Variants in ACBD6 observed in about 807,000 individuals in gnomAD.
The protein encoded by ACBD6 is acyl-CoA-binding domain-containing protein 6.
A neutral mutation model predicts 37.2 loss-of-function variants in ACBD6; 28 were observed. The ratio of observed to expected loss-of-function variants is 0.75; its 90% confidence interval spans 0.56 to 1.03. The LOEUF (loss-of-function observed/expected upper bound fraction) is 1.03, where lower values mean the gene tolerates loss of function less well. ACBD6 is among the 50% of genes least tolerant of loss of function. The pLI is 0.00. For missense variants in ACBD6, 340 were observed against 337.4 expected, an observed-to-expected ratio of 1.01 and a Z score of -0.06; for synonymous variants, 113 against 126.8, an observed-to-expected ratio of 0.89 and a Z score of 0.73.
intron 4 of ACBD6, among the ~76,000 whole-genome samples, chr1:180,422,521 T>G (rs1348246758): frequency 6.6e-6 from 1 of 152,200 alleles, no homozygotes; most frequent in Non-Finnish European, 1.5e-5. Context: ...CCCTTTTCTT[T>G]TTTACAGAAG....
At chr1:180,472,106 C>A (rs555762540) in intron 3 of ACBD6, among the ~76,000 whole-genome samples, 11 of 152,300 alleles carry the variant, frequency 7.2e-5, no homozygotes, top group African/African-American at 2.6e-4. Context: ...ACGTATAGGG[C>A]AAGGCCAGAC....
intron 6 of ACBD6, among the ~76,000 whole-genome samples, chr1:180,384,714 G>A (rs1168790144): frequency 6.6e-6 from 1 of 152,154 alleles, no homozygotes; most frequent in Non-Finnish European, 1.5e-5. Flanking sequence ...GTTCACTGTA[G>A]CACTATTCAC....
At chr1:180,403,703 A>C (rs1647485812) in intron 5 of ACBD6, among the ~76,000 whole-genome samples, 1 of 152,224 alleles carries the variant, frequency 6.6e-6, no homozygotes, top group Non-Finnish European at 1.5e-5. Flanking sequence ...ATCTGAATAA[A>C]CAAAATGTGG....
At chr1:180,337,325 C>A (rs1299946902) in intron 6 of ACBD6, among the ~76,000 whole-genome samples, 2 of 152,120 alleles carry the variant, frequency 1.3e-5, no homozygotes, top group Non-Finnish European at 2.9e-5. Flanking sequence ...GGGCTTCATC[C>A]CTGGGATGCA....
chr1:180,500,318 T>C (rs1271016913), intron 1 of ACBD6, among the ~76,000 whole-genome samples: 1 of 152,178 alleles, frequency 6.6e-6, no homozygotes, highest in African/African-American at 2.4e-5. Context: ...AGCTGTAATT[T>C]TCCTGAACTG....
At chr1:180,285,428 A>T (rs1382670593), downstream of ACBD6, among the ~76,000 whole-genome samples, 4 of 152,236 alleles carry the variant, frequency 2.6e-5, no homozygotes, top group African/African-American at 4.8e-5. Flanking sequence ...ATTTGACTCA[A>T]ATCACCTTAG....
intron 6 of ACBD6, among the ~76,000 whole-genome samples, chr1:180,329,858 T>G (rs1651411058): frequency 6.6e-6 from 1 of 152,288 alleles, no homozygotes; most frequent in Non-Finnish European, 1.5e-5. Context: ...AAGTTAGAAG[T>G]AACTCTTTTT....
intron 9 of ACBD6, among the ~76,000 whole-genome samples, chr1:180,279,307 T>A (rs1405944361): frequency 9.2e-5 from 14 of 152,276 alleles, no homozygotes; most frequent in Non-Finnish European, 8.8e-5. Flanking sequence ...TTTTTAAAAT[T>A]TTTTTTTGAG....
At chr1:180,456,391 A>G (rs546391434) in intron 3 of ACBD6, among the ~76,000 whole-genome samples, 1 of 152,210 alleles carries the variant, frequency 6.6e-6, no homozygotes, top group Non-Finnish European at 1.5e-5. Flanking sequence ...TGTATGTGAC[A>G]GTAGCAATTA....
chr1:180,419,007 T>C (rs1648228952), intron 4 of ACBD6, among the ~76,000 whole-genome samples: 1 of 152,232 alleles, frequency 6.6e-6, no homozygotes, highest in Non-Finnish European at 1.5e-5. Context: ...ATCCCAGCAC[T>C]TCGGGAGGCC....
intron 6 of ACBD6, among the ~76,000 whole-genome samples, chr1:180,366,983 C>T (rs577220314): frequency 4.5e-4 from 68 of 152,286 alleles, no homozygotes; most frequent in African/African-American, 1.6e-3. Flanking sequence ...AGCTTTGTGT[C>T]CTCAAGCAAT....
chr1:180,437,408 C>G (rs1411987512), intron 3 of ACBD6, among the ~76,000 whole-genome samples: 1 of 152,178 alleles, frequency 6.6e-6, no homozygotes, highest in Non-Finnish European at 1.5e-5. Flanking sequence ...GGAGGATACC[C>G]AGTTGGTGTC....
intron 6 of ACBD6, among the ~76,000 whole-genome samples, chr1:180,373,518 G>A (rs544019105): frequency 6.6e-6 from 1 of 152,264 alleles, no homozygotes; most frequent in African/African-American, 2.4e-5. Flanking sequence ...CACTGCAAGA[G>A]CAATATCCAA....
rs115148274 is a variant in ACBD6 at position 180,395,369 on chromosome 1, T to C, written c.663+2147A>G. Among the ~76,000 whole-genome samples the C allele has an allele frequency of 3.7e-3, 567 of 152,300 alleles. 3 individuals are homozygous for C. The highest frequency in any genetic ancestry group is 0.013 in the African/African-American group (543 of 41,570). On this transcript the variant is annotated intron_variant, in intron 6 of 7. Coordinates refer to ENST00000367595, the MANE Select transcript of ACBD6 (RefSeq NM_032360.4). Reference sequence around the variant, plus strand: ...ATAAACATTTATTCTACTTTCTCTGTGAAATAGGAGGTATTCTGAAGATAA... The same window carrying C: ...ATAAACATTTATTCTACTTTCTCTGCGAAATAGGAGGTATTCTGAAGATAA...
At chr1:180,289,038 T>TAAAA (rs11353397) in intron 7 of ACBD6, among the ~76,000 whole-genome samples, 1 of 102,966 alleles carries the variant, frequency 9.7e-6, no homozygotes, top group Non-Finnish European at 2.1e-5. Context: ...CTACAGGAAC[T>TAAAA]AAAAAAAAAA....
intron 6 of ACBD6, among the ~76,000 whole-genome samples, chr1:180,354,749 T>G (rs998734222): frequency 1.3e-5 from 2 of 152,338 alleles, no homozygotes; most frequent in South Asian, 2.1e-4. Context: ...TAGCTTTAGT[T>G]TTATTCCCCT....
intron 6 of ACBD6, among the ~76,000 whole-genome samples, chr1:180,392,553 G>A (rs1225039635): frequency 2.0e-5 from 3 of 151,952 alleles, no homozygotes; most frequent in Non-Finnish European, 4.4e-5. Context: ...AACTTCTTTA[G>A]GCTCCTGCTT....
intron 5 of ACBD6, among the ~76,000 whole-genome samples, chr1:180,398,618 T>C (rs76599125): frequency 9.9e-4 from 151 of 152,334 alleles, no homozygotes; most frequent in African/African-American, 3.5e-3. Flanking sequence ...TTAACACTTG[T>C]CTACCAAAGA....
At chr1:180,281,063 T>C (rs1466552740) in intron 9 of ACBD6, among the ~76,000 whole-genome samples, 4 of 152,194 alleles carry the variant, frequency 2.6e-5, no homozygotes, top group South Asian at 2.1e-4. Context: ...TATCCTCTAG[T>C]GTACACAGCT....
Sources: gnomAD v4.1 joint callset for allele counts (sites outside exome capture counted in the v4.1 genomes callset) on GRCh38, gnomAD v4.1.1 for gene constraint, MANE v1.5 for transcripts, NCBI Gene and HGNC (gene_info 2026-07-23, HGNC 2026-07-21) for gene names.